Variants in FBXL7 observed in about 807,000 individuals in gnomAD.
The protein encoded by FBXL7 is F-box and leucine rich repeat protein 7, also known as F-box/LRR-repeat protein 7.
In FBXL7, 12 loss-of-function variants were observed where a neutral mutation model predicts 38.3. That is an observed-to-expected ratio of 0.31 (90% CI 0.20 to 0.51). The LOEUF is 0.51. Among genes scored for constraint, FBXL7 ranks in the 20% least tolerant of loss-of-function variants. FBXL7 has a pLI of 0.98. For synonymous variants in FBXL7, 297 were observed against 300.9 expected (o/e 0.99, Z 0.13); for missense variants, 567 against 676.4 (o/e 0.84, Z 1.79).
intron 2 of FBXL7, among the ~76,000 whole-genome samples, chr5:15,853,592 C>T (rs1208606572): frequency 6.6e-6 from 1 of 152,102 alleles, no homozygotes; most frequent in African/African-American, 2.4e-5. Flanking sequence ...TGGGAGGAGA[C>T]CTTGTCGAGG....
At chr5:15,868,074 A>C (rs1739793428) in intron 2 of FBXL7, among the ~76,000 whole-genome samples, 1 of 149,666 alleles carries the variant, frequency 6.7e-6, no homozygotes, top group Non-Finnish European at 1.5e-5. Flanking sequence ...ACTGTACTCC[A>C]GCGTGGCGAC....
intron 2 of FBXL7, among the ~76,000 whole-genome samples, chr5:15,717,899 C>T (rs2126649116): frequency 6.6e-6 from 1 of 152,012 alleles, no homozygotes; most frequent in Non-Finnish European, 1.5e-5. Flanking sequence ...GCAAAAATTC[C>T]CAGCTTTATA....
intron 2 of FBXL7, among the ~76,000 whole-genome samples, chr5:15,647,551 T>G (rs548252890): frequency 2.2e-4 from 34 of 152,194 alleles, no homozygotes; most frequent in Non-Finnish European, 3.5e-4. Flanking sequence ...TAATAAGGAA[T>G]GAATGGCCGG....
intron 2 of FBXL7, among the ~76,000 whole-genome samples, chr5:15,703,986 G>A (rs891388074): frequency 4.6e-5 from 7 of 152,250 alleles, no homozygotes; most frequent in South Asian, 2.1e-4. Flanking sequence ...TCTCAGCTGC[G>A]TCCTTAGTAG....
chr5:15,633,962 G>A (rs1741087366), intron 2 of FBXL7, among the ~76,000 whole-genome samples: 1 of 151,712 alleles, frequency 6.6e-6, no homozygotes, highest in Non-Finnish European at 1.5e-5. Context: ...TGTATTTTTA[G>A]TAGAGATGGG....
chr5:15,553,865 G>A (rs532767623), intron 1 of FBXL7, among the ~76,000 whole-genome samples: 1 of 152,274 alleles, frequency 6.6e-6, no homozygotes, highest in Admixed American at 6.5e-5. Context: ...CTTTCCCTCT[G>A]CTCCTGTTCT....
intron 1 of FBXL7, among the ~76,000 whole-genome samples, chr5:15,609,781 G>A (rs1740164412): frequency 1.3e-5 from 2 of 152,204 alleles, no homozygotes; most frequent in South Asian, 4.1e-4. Context: ...CTAGCTGCTG[G>A]CTGAGCAGTC....
chr5:15,630,861 T>C (rs1360287382), intron 2 of FBXL7, among the ~76,000 whole-genome samples: 1 of 152,182 alleles, frequency 6.6e-6, no homozygotes, highest in Non-Finnish European at 1.5e-5. Flanking sequence ...AGATTTTTTT[T>C]TTTGCTTTCA....
At chr5:15,724,670 C>A (rs1186323836) in intron 2 of FBXL7, among the ~76,000 whole-genome samples, 1 of 152,152 alleles carries the variant, frequency 6.6e-6, no homozygotes, top group African/African-American at 2.4e-5. Flanking sequence ...TATGAATTTT[C>A]TGGTGATTTA....
chr5:15,736,228 A>AGT (rs1735744544), intron 2 of FBXL7, among the ~76,000 whole-genome samples: 1 of 152,220 alleles, frequency 6.6e-6, no homozygotes, highest in South Asian at 2.1e-4. Context: ...AATGTGATAT[A>AGT]GTGTAGCAAC....
chr5:15,548,115 A>G (rs1312277311), intron 1 of FBXL7, among the ~76,000 whole-genome samples: 1 of 152,206 alleles, frequency 6.6e-6, no homozygotes, highest in African/African-American at 2.4e-5. Flanking sequence ...CTATCTTAGG[A>G]GTGCTCTAAT....
chr5:15,552,942 C>T (rs12516651), intron 1 of FBXL7, among the ~76,000 whole-genome samples: 57,170 of 151,802 alleles, frequency 0.38, 11,207 homozygotes, highest in African/African-American at 0.46. Context: ...ATTAGCCAGG[C>T]GTGATGGCAC....
At chr5:15,524,083 A>C (rs61438892) in intron 1 of FBXL7, among the ~76,000 whole-genome samples, 163 of 152,356 alleles carry the variant, frequency 1.1e-3, no homozygotes, top group African/African-American at 3.8e-3. Flanking sequence ...TATCTAACCA[A>C]ATAAGGACAT....
intron 2 of FBXL7, among the ~76,000 whole-genome samples, chr5:15,890,789 G>A (rs1740870297): frequency 6.6e-6 from 1 of 152,162 alleles, no homozygotes; most frequent in African/African-American, 2.4e-5. Context: ...CGTGATTGAA[G>A]TCTTGAGATT....
intron 2 of FBXL7, among the ~76,000 whole-genome samples, chr5:15,841,760 A>G (rs146977072): frequency 9.6e-4 from 147 of 152,350 alleles, no homozygotes; most frequent in Non-Finnish European, 1.5e-3. Context: ...AAAGGGGCCA[A>G]TGTAAGGCTG....
At chr5:15,511,816 A>G (rs1458695464) in intron 1 of FBXL7, among the ~76,000 whole-genome samples, 3 of 152,220 alleles carry the variant, frequency 2.0e-5, no homozygotes, top group Non-Finnish European at 1.5e-5. Flanking sequence ...TTGCAGCTGT[A>G]TTAGGAATAG....
rs1741398218 is a variant in FBXL7 at position 15,642,430 on chromosome 5, A to G, written c.127+26358A>G. Among the ~76,000 whole-genome samples the G allele has an allele frequency of 2.0e-5, 3 of 152,200 alleles. No homozygotes were observed. The South Asian group carries it at 6.2e-4, about 32-fold the overall frequency. ...CACCTGTTCAACTCACAGAGTAAGA[A>G]CGTTATGCCTTACACTCAATTTCTA... On this transcript the variant is annotated intron_variant, in intron 2 of 3. Coordinates refer to ENST00000504595, the MANE Select transcript of FBXL7 (RefSeq NM_012304.5).
At chr5:15,658,540 A>G (rs1030717687) in intron 2 of FBXL7, among the ~76,000 whole-genome samples, 4 of 152,140 alleles carry the variant, frequency 2.6e-5, no homozygotes, top group Non-Finnish European at 5.9e-5. Flanking sequence ...CCCCTCAGAC[A>G]CTGAGTTGTA....
intron 2 of FBXL7, among the ~76,000 whole-genome samples, chr5:15,703,467 A>G (rs1197378465): frequency 1.3e-5 from 2 of 152,206 alleles, no homozygotes; most frequent in African/African-American, 4.8e-5. Flanking sequence ...AGATCATTTA[A>G]TCTTGTGTGA....
Sources: allele counts gnomAD v4.1 joint callset (sites outside exome capture counted in the v4.1 genomes callset), GRCh38; gene constraint gnomAD v4.1.1; transcripts MANE v1.5; gene names NCBI Gene and HGNC (gene_info 2026-07-23, HGNC 2026-07-21).